Variants in USP37 observed in about 807,000 individuals in gnomAD.
The protein encoded by USP37 is ubiquitin carboxyl-terminal hydrolase 37.
In USP37, 27 loss-of-function variants were observed where a neutral mutation model predicts 124.0. That is an observed-to-expected ratio of 0.22 (90% CI 0.16 to 0.30). The LOEUF is 0.30. USP37 is among the 10% of genes least tolerant of loss of function. The probability of loss-of-function intolerance (pLI) is 1.00; values close to 1 mark genes in which losing one functional copy is unlikely to be tolerated. For synonymous variants in USP37, 365 were observed against 388.0 expected, an observed-to-expected ratio of 0.94 and a Z score of 0.70; for missense variants, 889 against 1,140.4, an observed-to-expected ratio of 0.78 and a Z score of 3.17.
At chr2:218,474,196 T>A (rs11888727) in intron 20 of USP37, among the ~76,000 whole-genome samples, 6,089 of 152,238 alleles carry the variant, frequency 0.04, 396 homozygotes, top group African/African-American at 0.14. Context: ...TAAATGCACA[T>A]AAGAAGGCTA....
intron 1 of USP37, among the ~76,000 whole-genome samples, chr2:218,563,276 C>G (rs918208348): frequency 6.6e-6 from 1 of 151,930 alleles, no homozygotes; most frequent in Non-Finnish European, 1.5e-5. Flanking sequence ...GCACAACACA[C>G]AGAGACACAC....
intron 5 of USP37, among the ~76,000 whole-genome samples, chr2:218,551,790 T>C (rs1021935754): frequency 6.6e-6 from 1 of 151,046 alleles, no homozygotes; most frequent in Admixed American, 6.6e-5. Flanking sequence ...GTATTCAATT[T>C]CTTGATTCTT....
rs1689577937 is a variant in USP37 at position 218,454,132 on chromosome 2, T to C, written c.*798A>G. 6.6e-6 allele frequency: 1 copy of C among 152,620 alleles called. No homozygotes were observed. Among genetic ancestry groups the C allele is most frequent in the Non-Finnish European group, 1.5e-5 (1 of 68,028 alleles). The allele number at this position is 152,620 out of a possible 1,614,324, so 9.5% of individuals were successfully genotyped here. ...TACCACCATAATAATGATGATGATATATGATGAACATACTGTGTGAAGAAA... is the reference window on the plus strand; with the variant it reads ...TACCACCATAATAATGATGATGATACATGATGAACATACTGTGTGAAGAAA... On this transcript the variant is annotated 3_prime_UTR_variant, in exon 26 of 26. Coordinates refer to ENST00000258399, the MANE Select transcript of USP37 (RefSeq NM_020935.3).
chr2:218,525,085 A>G (rs796720633), intron 10 of USP37, among the ~76,000 whole-genome samples: 17 of 152,378 alleles, frequency 1.1e-4, no homozygotes, highest in African/African-American at 4.1e-4. Context: ...ATTAAAAAAT[A>G]TACTTTAAAA....
Position 218,553,680 on chromosome 2 carries a change from C to T in USP37, c.201G>A (p.Ala67=), listed in dbSNP as rs191275249. ...GAGTTAACATTAGGCGGCTTTGTTT[C>T]GCTCCACTGGGTCGAAGCACCACAT... ...IKNVVLRPSG[A]KQSRLMLTLQ... is the part of the protein sequence containing the mutation. The change falls in exon 5 of 26, where the codon GCG becomes GCA. Residue 67 remains alanine, a synonymous_variant. Coordinates refer to ENST00000258399, the MANE Select transcript of USP37 (RefSeq NM_020935.3). The T allele has an allele frequency of 1.3e-4, 217 of 1,613,532 alleles. 1 individual carries two copies. The East Asian group carries it at 3.9e-3, about 29-fold the overall frequency.
chr2:218,479,974 T>A (rs895171349), intron 17 of USP37, among the ~76,000 whole-genome samples: 2 of 151,892 alleles, frequency 1.3e-5, no homozygotes, highest in African/African-American at 4.8e-5. Context: ...GGTGAAACCC[T>A]GTCTCTACTA....
At chr2:218,486,131 A>G (rs1433741490) in intron 15 of USP37, 1 of 162,328 alleles carries the variant, frequency 6.2e-6, no homozygotes, top group Non-Finnish European at 1.3e-5. Flanking sequence ...GGTTAGGTAG[A>G]ATTTCTTGTC....
intron 10 of USP37, among the ~76,000 whole-genome samples, chr2:218,516,557 G>A (rs1418349570): frequency 2.6e-5 from 4 of 152,046 alleles, no homozygotes; most frequent in Non-Finnish European, 5.9e-5. Flanking sequence ...GGGGGCAAGG[G>A]GAGGGAGAGC....
chr2:218,527,776 C>T (rs1310654620), intron 10 of USP37, among the ~76,000 whole-genome samples: 1 of 152,186 alleles, frequency 6.6e-6, no homozygotes, highest in Non-Finnish European at 1.5e-5. Context: ...TTAATTACCA[C>T]TGTAATCTAT....
chr2:218,563,610 G>A (rs914242010), intron 1 of USP37, among the ~76,000 whole-genome samples: 3 of 152,112 alleles, frequency 2.0e-5, no homozygotes, highest in Non-Finnish European at 4.4e-5. Context: ...AGTTCTACCC[G>A]CACATCTCTC....
At chr2:218,460,685 G>C (rs1385724689) in intron 22 of USP37, among the ~76,000 whole-genome samples, 2 of 152,122 alleles carry the variant, frequency 1.3e-5, no homozygotes, top group Non-Finnish European at 2.9e-5. Flanking sequence ...GCTTATGCCT[G>C]TAATCTCAGC....
chr2:218,465,519 T>C (rs1690265390), intron 21 of USP37, among the ~76,000 whole-genome samples: 1 of 152,220 alleles, frequency 6.6e-6, no homozygotes, highest in Non-Finnish European at 1.5e-5. Flanking sequence ...GAATTATAGT[T>C]ATGAAAGGTA....
rs561519657 is a variant in USP37 at position 218,521,525 on chromosome 2, G to C, written c.863+8431C>G. 4.6e-5 allele frequency among the ~76,000 whole-genome samples: 7 copies of C among 151,960 alleles called. No homozygotes were observed. In the South Asian group the frequency reaches 1.5e-3, roughly 32 times the overall value. ...CCCCCAACAGGCCCTACTGTGTGAT[G>C]GTCCCCTCCCTGTGTCCATGTGTTC... On this transcript the variant is annotated intron_variant, in intron 10 of 25. Coordinates refer to ENST00000258399, the MANE Select transcript of USP37 (RefSeq NM_020935.3).
At chr2:218,528,565 TTTTCAG>T in intron 10 of USP37, 1 of 385,198 alleles carries the variant, frequency 2.6e-6, no homozygotes, top group East Asian at 3.7e-5. Flanking sequence ...AGAATGATGG[TTTTCAG>T]CTTCATCCAT....
intron 2 of USP37, among the ~76,000 whole-genome samples, chr2:218,561,750 A>G (rs1442846147): frequency 6.6e-6 from 1 of 152,176 alleles, no homozygotes; most frequent in Non-Finnish European, 1.5e-5. Context: ...TATATCATTC[A>G]ATAGCTCTCC....
Position 218,476,843 on chromosome 2 carries a change from T to C in USP37, c.2040A>G (p.Glu680=). 1.9e-6 allele frequency: 3 copies of C among 1,591,416 alleles called. No homozygotes were observed. Among genetic ancestry groups the C allele is most frequent in the East Asian group, 2.3e-5 (1 of 44,276 alleles). The stretch of plus-strand genomic sequence containing the variant: ...GTTTTAAGAAAATATTACTTACTTT[T>C]TCCAGGTCTTCCTGCTGCTGTTCGT... ...LGNEQQQEDL[E]KDSKLCPIEP... The change falls in exon 19 of 26, where the codon GAA becomes GAG. Residue 680 remains glutamate (E), a synonymous_variant. Coordinates refer to ENST00000258399, the MANE Select transcript of USP37 (RefSeq NM_020935.3).
At chr2:218,504,065 G>A (rs1166923328) in intron 11 of USP37, among the ~76,000 whole-genome samples, 1 of 152,124 alleles carries the variant, frequency 6.6e-6, no homozygotes. Context: ...TAGGGAGGTC[G>A]ATTCATTAAG....
intron 8 of USP37, among the ~76,000 whole-genome samples, chr2:218,539,139 T>C (rs1427830661): frequency 6.6e-6 from 1 of 151,848 alleles, no homozygotes; most frequent in Non-Finnish European, 1.5e-5. Flanking sequence ...AGCTAATTTT[T>C]GTAGAGATGA....
chr2:218,541,839 T>C (rs888971826), intron 8 of USP37, among the ~76,000 whole-genome samples: 1 of 152,130 alleles, frequency 6.6e-6, no homozygotes, highest in South Asian at 2.1e-4. Context: ...TAGTGGACAA[T>C]GGTGACGCTC....
Sources: gnomAD v4.1 joint callset for allele counts (sites outside exome capture counted in the v4.1 genomes callset) on GRCh38, gnomAD v4.1.1 for gene constraint, MANE v1.5 for transcripts, NCBI Gene and HGNC (gene_info 2026-07-23, HGNC 2026-07-21) for gene names.